SCN9A: variants seen among roughly 807,000 people sequenced by gnomAD.
SCN9A encodes the protein sodium voltage-gated channel alpha subunit 9.
SCN9A carries 131 observed loss-of-function variants against 187.0 expected under a neutral mutation model. The ratio of observed to expected loss-of-function variants is 0.70; its 90% CI spans 0.61 to 0.81. SCN9A has a LOEUF of 0.81. Among genes scored for constraint, SCN9A ranks in the 30% least tolerant of loss-of-function variants. The probability of loss-of-function intolerance (pLI) is 0.00; values close to 1 mark genes in which losing one functional copy is unlikely to be tolerated. For synonymous variants in SCN9A, 809 were observed against 808.6 expected (o/e 1.00, Z -0.01); for missense variants, 2,252 against 2,396.6 (o/e 0.94, Z 1.26).
intron 18 of SCN9A, among the ~76,000 whole-genome samples, chr2:166,242,878 T>C (rs1695629805): frequency 1.3e-5 from 2 of 152,142 alleles, no homozygotes; most frequent in African/African-American, 4.8e-5. Context: ...TAGCTTACAA[T>C]GTATTCTTGT....
At chr2:166,302,417 T>C (rs1480196419) in intron 7 of SCN9A, 1 of 152,166 alleles carries the variant, frequency 6.6e-6, no homozygotes, top group Non-Finnish European at 1.5e-5. Flanking sequence ...ATGTGGTACC[T>C]ACAGAAATAA....
At chr2:166,307,116 T>A (rs1321406038) in intron 2 of SCN9A, 42 bp from the exon 3 acceptor site, 1 of 1,175,988 alleles carries the variant, frequency 8.5e-7, no homozygotes, top group Non-Finnish European at 1.3e-6. Flanking sequence ...GAATCCAAAA[T>A]ATCAATTTTT....
intron 16 of SCN9A, among the ~76,000 whole-genome samples, chr2:166,273,128 T>C (rs1697078533): frequency 6.6e-6 from 1 of 152,004 alleles, no homozygotes; most frequent in African/African-American, 2.4e-5. Flanking sequence ...AGAATTACCA[T>C]GGGGAGCAGA....
At chr2:166,265,135 G>A (rs936226242) in intron 17 of SCN9A, among the ~76,000 whole-genome samples, 2 of 151,852 alleles carry the variant, frequency 1.3e-5, no homozygotes, top group Admixed American at 6.6e-5. Context: ...GTCATCCAAC[G>A]ATTCAATAGA....
At chr2:166,230,867 G>T (rs1026958882) in intron 21 of SCN9A, among the ~76,000 whole-genome samples, 1 of 152,126 alleles carries the variant, frequency 6.6e-6, no homozygotes, top group African/African-American at 2.4e-5. Context: ...CTCTGAGAAA[G>T]ACAGGCACCT....
At chr2:166,331,886 G>T (rs1278530987) in intron 1 of SCN9A, among the ~76,000 whole-genome samples, 1 of 151,828 alleles carries the variant, frequency 6.6e-6, no homozygotes, top group African/African-American at 2.4e-5. Flanking sequence ...CATATGATAT[G>T]ACCTAATTAT....
chr2:166,305,876 A>C lies in SCN9A; in HGVS notation c.512T>G (p.Ile171Ser). The C allele has an allele frequency of 1.2e-6, 2 of 1,613,302 alleles. No individual in the cohort carries two copies. Among genetic ancestry groups the C allele is most frequent in the Non-Finnish European group, 1.7e-6 (2 of 1,179,538 alleles). ...TCCTACACAGAAGCCTCTTGCAAGGATTTTTACAAGTGATTCAAAAGTATA... is the reference window on the plus strand; with the variant it reads ...TCCTACACAGAAGCCTCTTGCAAGGCTTTTTACAAGTGATTCAAAAGTATA... Reference protein sequence around the residue: ...GIYTFESLVKILARGFCVGEF... With the variant: ...GIYTFESLVKSLARGFCVGEF... Residue 171 changes from isoleucine (I) to serine (S), a missense_variant, in exon 5 of 27, where the codon ATC becomes AGC. Coordinates refer to ENST00000642356, the MANE Select transcript of SCN9A (RefSeq NM_001365536.1).
rs1026166046 is a variant in SCN9A, at chr2:166,236,306, A to G, written c.3801+1788T>C. On this transcript the variant is annotated intron_variant, in intron 20 of 26. Transcript: ENST00000642356. ...AGAATTCTCATAGAGGAAACCTAAG[A>G]TAACACATATAAGGTGTAATATATA... 3.0e-4 allele frequency among the ~76,000 whole-genome samples: 46 copies of G among 152,232 alleles called. 1 individual carries two copies. Among genetic ancestry groups the G allele is most frequent in the Admixed American group, 2.5e-3 (38 of 15,284 alleles).
At position 166,198,972 on chromosome 2, in the gene SCN9A, CTCT is replaced by C. The variant is rs1558938976; in HGVS notation, c.5664_5666del (p.Glu1889del). The stretch of plus-strand genomic sequence containing the variant: ...GCTGAATGACAGTAGCAGACACATC[CTCT>C]TGTTTCCGTTTTAGTGTGGTTGTGA... On this transcript the variant is annotated inframe_deletion, in exon 27 of 27. Transcript: ENST00000642356. The C allele has an allele frequency of 6.2e-7, 1 of 1,613,998 alleles. No homozygotes were observed. Among genetic ancestry groups the C allele is most frequent in the Admixed American group, 1.7e-5 (1 of 60,028 alleles).
At chr2:166,290,734 A>G (rs576200967) in intron 9 of SCN9A, among the ~76,000 whole-genome samples, 52 of 152,132 alleles carry the variant, frequency 3.4e-4, no homozygotes, top group African/African-American at 1.3e-3. Context: ...CTCTGTTCAT[A>G]TCCTTTGCCC....
In SCN9A at chr2:166,284,713, C is replaced by T. The variant is rs747040987; in HGVS notation, c.1714G>A (p.Asp572Asn). Residue 572 changes from aspartate to asparagine, a missense_variant, in exon 12 of 27, where the codon GAT becomes AAT. Physicochemically the swap from Asp to Asn is conservative, Grantham distance 23. Around this residue, in one of 7 missense-constraint regions of SCN9A, gnomAD observed 1,013 missense variants for 997.4 expected, o/e 1.02. Coordinates refer to ENST00000642356, the MANE Select transcript of SCN9A (RefSeq NM_001365536.1). ...TCTCCAAAAATGCTGTGCTCATCAT[C>T]GGCAAATTCAGTCTCAGATCCTATA... Reference protein sequence around the residue: ...RDIGSETEFADDEHSIFGDNE... With the variant: ...RDIGSETEFANDEHSIFGDNE... 44 of 1,613,862 alleles carry T rather than the reference C, an allele frequency of 2.7e-5. No homozygotes were observed. In the Admixed American group the frequency reaches 4.8e-4, roughly 18 times the overall value.
intron 17 of SCN9A, among the ~76,000 whole-genome samples, chr2:166,264,675 A>C (rs1406376028): frequency 6.6e-6 from 1 of 151,990 alleles, no homozygotes; most frequent in Non-Finnish European, 1.5e-5. Context: ...GAAAACTTAT[A>C]CTAGGAGAGC....
intron 24 of SCN9A, among the ~76,000 whole-genome samples, chr2:166,219,830 A>G (rs551343169): frequency 6.6e-6 from 1 of 152,344 alleles, no homozygotes; most frequent in African/African-American, 2.4e-5. Context: ...CAAAAAAATG[A>G]TAAGTGGGTG....
In SCN9A at chr2:166,280,415, G is replaced by A; in HGVS notation, c.2285C>T (p.Ala762Val). 6.3e-7 allele frequency: 1 copy of A among 1,592,036 alleles called. No homozygotes were observed. The highest frequency in any genetic ancestry group is 2.3e-5 in the East Asian group (1 of 44,362). ...ICIVLNTLFM[A>V]MEHHPMTEEF... ...CTCAGTCATTGGGTGGTGTTCCATA[G>A]CCATAAATAATGTGTTTAAAACTAT... is the stretch of plus-strand genomic sequence containing the variant. Residue 762 changes from alanine to valine, a missense_variant, in exon 14 of 27, where the codon GCT becomes GTT. Transcript: ENST00000642356.
chr2:166,296,819 C>A (rs1468567974), intron 7 of SCN9A, among the ~76,000 whole-genome samples: 2 of 151,966 alleles, frequency 1.3e-5, no homozygotes, highest in African/African-American at 4.8e-5. Context: ...AGGTTAACAT[C>A]TTTAAAAATG....
At position 166,311,470 on chromosome 2, in the gene SCN9A, A is replaced by G. The variant is rs761781232; in HGVS notation, c.258+29T>C. On this transcript the variant is annotated intron_variant, in intron 2 of 26. Transcript: ENST00000642356. ...TTTATACAGAAGGAAGCCAACAGAA[A>G]CTGACCACTGAAGTCAAAATAAACT... 2.7e-6 allele frequency: 4 copies of G among 1,471,794 alleles called. No individual in the cohort carries two copies. The South Asian group carries it at 4.8e-5, about 18-fold the overall frequency. The allele number at this position is 1,471,794 out of a possible 1,614,324, so 91.2% of individuals were successfully genotyped here.
intron 1 of SCN9A, among the ~76,000 whole-genome samples, chr2:166,322,654 G>A (rs1699272786): frequency 6.6e-6 from 1 of 151,938 alleles, no homozygotes; most frequent in South Asian, 2.1e-4. Flanking sequence ...ATTTTATCAT[G>A]CTTCCATAAT....
At chr2:166,314,146 A>G (rs1699048264) in intron 1 of SCN9A, among the ~76,000 whole-genome samples, 1 of 152,210 alleles carries the variant, frequency 6.6e-6, no homozygotes, top group Non-Finnish European at 1.5e-5. Context: ...CAAAGTTGAA[A>G]TATTGTGAGA....
intron 24 of SCN9A, among the ~76,000 whole-genome samples, chr2:166,214,735 C>T (rs956887252): frequency 2.6e-5 from 4 of 151,128 alleles, no homozygotes; most frequent in Admixed American, 1.3e-4. Flanking sequence ...AGGATGGTCT[C>T]GATCTCCTGA....
Sources: gnomAD v4.1 joint callset for allele counts (sites outside exome capture counted in the v4.1 genomes callset) on GRCh38, gnomAD v4.1.1 for gene constraint, gnomAD v4.1.1 regional missense constraint, MANE v1.5 for transcripts, NCBI Gene and HGNC (gene_info 2026-07-23, HGNC 2026-07-21) for gene names.